The following GCN1 variants were observed in gnomAD, a reference collection of about 807,000 sequenced individuals.
GCN1 encodes the protein stalled ribosome sensor GCN1.
In GCN1, 90 loss-of-function variants were observed where a neutral mutation model predicts 288.4. That is an observed-to-expected ratio of 0.31 (90% CI 0.26 to 0.37). The LOEUF is 0.37. Among genes scored for constraint, GCN1 ranks in the 10% least tolerant of loss-of-function variants. The pLI, the probability that GCN1 is intolerant of heterozygous loss-of-function variation, is 1.00. For synonymous variants in GCN1, 1,386 were observed against 1,420.2 expected, an observed-to-expected ratio of 0.98 and a Z score of 0.54; for missense variants, 2,586 against 3,419.9, an observed-to-expected ratio of 0.76 and a Z score of 6.08.
In GCN1 at chr12:120,158,526, C is replaced by T; in HGVS notation, c.2839G>A (p.Val947Met). The change falls in exon 25 of 58, where the codon GTG (valine) becomes ATG (methionine). Residue 947 changes from valine to methionine, a missense_variant. By Grantham distance (21) the Val-to-Met change is conservative. Coordinates refer to ENST00000300648, the MANE Select transcript of GCN1 (RefSeq NM_006836.2). This position sits in a 1 kb window ranked among gnomAD's most constrained non-coding sequence, Gnocchi z 4.3. ...SWCQEELSVAVKRAVMLLHTH... is the reference protein window; with the variant it reads ...SWCQEELSVAMKRAVMLLHTH... ...TGCAGCAGCATCACCGCCCTCTTCA[C>T]AGCCACCGACAGCTCTTCCTGGCAC... is the stretch of plus-strand genomic sequence containing the variant. The T allele has an allele frequency of 6.3e-7, 1 of 1,586,448 alleles. No individual in the cohort carries two copies.
In GCN1 at chr12:120,159,733, C is replaced by A. The variant is rs1388165196; in HGVS notation, c.2749+92G>T. ...CAAAACTCAGCAGCTGAGGTCACCACCCACCTCCCCACAAGCACTCAGGGG... is the reference window on the plus strand; with the variant it reads ...CAAAACTCAGCAGCTGAGGTCACCAACCACCTCCCCACAAGCACTCAGGGG... On this transcript the variant is annotated intron_variant, in intron 24 of 57. Transcript: ENST00000300648. 3.6e-6 allele frequency: 4 copies of A among 1,104,974 alleles called. No individual in the cohort carries two copies. The Admixed American group carries it at 7.0e-5, about 19-fold the overall frequency. 68.4% of individuals were successfully genotyped at this position (1,104,974 alleles called of 1,614,324 possible).
At chr12:120,192,439 A>C (rs1318507121) in intron 1 of GCN1, among the ~76,000 whole-genome samples, 1 of 152,240 alleles carries the variant, frequency 6.6e-6, no homozygotes, top group African/African-American at 2.4e-5. Flanking sequence ...TAGAATACTG[A>C]AGACAAGGCT....
intron 5 of GCN1, 96 bp downstream of exon 5, chr12:120,183,473 C>T (rs750365503): frequency 1.1e-5 from 9 of 797,978 alleles, no homozygotes; most frequent in African/African-American, 3.4e-5. Context: ...TCACCCAGCA[C>T]CCAGAAAAGC....
At chr12:120,149,475 A>G (rs1429752508) in intron 36 of GCN1, 131 bp downstream of exon 36, 3 of 653,194 alleles carry the variant, frequency 4.6e-6, no homozygotes, top group Non-Finnish European at 8.2e-6. Context: ...AAATTTTTAA[A>G]AAGGCAGAGT....
At chr12:120,165,049 A>T (rs1012316833) in intron 16 of GCN1, among the ~76,000 whole-genome samples, 215 of 147,776 alleles carry the variant, frequency 1.5e-3, no homozygotes, top group African/African-American at 4.9e-3. Flanking sequence ...ATATATATAT[A>T]TATTTTTTTT....
chr12:120,184,457 G>C (rs918387191), intron 3 of GCN1, among the ~76,000 whole-genome samples: 1 of 152,094 alleles, frequency 6.6e-6, no homozygotes, highest in African/African-American at 2.4e-5. Context: ...CATTGAGTGT[G>C]TAAGGGCAGC....
At chr12:120,191,939 G>A (rs1420262208) in intron 1 of GCN1, among the ~76,000 whole-genome samples, 1 of 152,056 alleles carries the variant, frequency 6.6e-6, no homozygotes, top group Non-Finnish European at 1.5e-5. Flanking sequence ...TTCCTGCTGT[G>A]ACCCCATCGC....
intron 11 of GCN1, 69 bp from the exon 12 acceptor site, chr12:120,175,281 T>G (rs1402129803): frequency 1.0e-5 from 14 of 1,354,678 alleles, no homozygotes; most frequent in Admixed American, 1.0e-4. Flanking sequence ...AACAATGCAG[T>G]CACGTGTGTG....
intron 44 of GCN1, 63 bp from the exon 45 acceptor site, chr12:120,141,086 A>G: frequency 7.0e-7 from 1 of 1,436,208 alleles, no homozygotes; most frequent in East Asian, 2.3e-5. Flanking sequence ...CCAGAGGAGG[A>G]CTCCAGAATG....
chr12:120,158,432 G>A lies in GCN1; in HGVS notation c.2905+28C>T, dbSNP rs1877821956. 2 of 1,523,740 alleles carry A rather than the reference G, an allele frequency of 1.3e-6. No homozygotes were observed. Among genetic ancestry groups the A allele is most frequent in the South Asian group, 1.3e-5 (1 of 79,984 alleles). The allele number at this position is 1,523,740 out of a possible 1,614,324, so 94.4% of individuals were successfully genotyped here. A position where few individuals can be genotyped will look rare whatever the true frequency, so the allele number is the denominator to read the frequency against. On this transcript the variant is annotated intron_variant, in intron 25 of 57. Transcript: ENST00000300648. The surrounding 1 kb of genome is among the most constrained non-coding windows in gnomAD (Gnocchi z 4.3). ...TCCTGGCACCAGCTCACACCGCCTG[G>A]TGCCCCTGATCCCGTCCCAGCCCTT... is the stretch of plus-strand genomic sequence containing the variant.
rs1324630242 is a variant in GCN1, at chr12:120,190,352, C to T, written c.67G>A (p.Val23Ile). 6.2e-7 allele frequency: 1 copy of T among 1,611,364 alleles called. No individual in the cohort carries two copies. Among genetic ancestry groups the T allele is most frequent in the South Asian group, 1.1e-5 (1 of 91,020 alleles). Reference sequence around the variant, plus strand: ...CTGAGGATTTCTCTCCGTTCCTTTACACTGGCTGTTGTCACCTTCCCTGCA... The same window carrying T: ...CTGAGGATTTCTCTCCGTTCCTTTATACTGGCTGTTGTCACCTTCCCTGCA... ...RFAGKVTTAS[V>I]KERREILSEL... The change falls in exon 2 of 58, where the codon GTA becomes ATA. Residue 23 changes from valine to isoleucine, a missense_variant. Coordinates refer to ENST00000300648, the MANE Select transcript of GCN1 (RefSeq NM_006836.2).
rs1440293332 is a variant in GCN1, at chr12:120,161,412, A to G, written c.2436+78T>C. On this transcript the variant is annotated intron_variant, in intron 22 of 57. Coordinates refer to ENST00000300648, the MANE Select transcript of GCN1 (RefSeq NM_006836.2). ...TCAGGATGTTCCAAGTGAACAGCAT[A>G]TGTGCAGTGGGAAAAGCCACCAGCT... 1.2e-5 allele frequency: 10 copies of G among 859,664 alleles called. No homozygotes were observed. The East Asian group carries it at 2.4e-4, about 21-fold the overall frequency. The allele number at this position is 859,664 out of a possible 1,614,324, so 53.3% of individuals were successfully genotyped here.
At position 120,177,507 on chromosome 12, in the gene GCN1, C is replaced by T. The variant is rs375686561; in HGVS notation, c.778G>A (p.Asp260Asn). The T allele has an allele frequency of 1.2e-6, 2 of 1,612,056 alleles. No homozygotes were observed. Among genetic ancestry groups the T allele is most frequent in the South Asian group, 1.1e-5 (1 of 91,026 alleles). The change falls in exon 9 of 58, where the codon GAT (aspartate) becomes AAT (asparagine). Residue 260 changes from aspartate (D) to asparagine (N), a missense_variant. Around this residue, in one of 8 missense-constraint regions of GCN1, gnomAD observed 913 missense variants for 1,107.0 expected, o/e 0.82. Coordinates refer to ENST00000300648, the MANE Select transcript of GCN1 (RefSeq NM_006836.2). ...LRYLSHSEFK[D>N]LILPTIQKSL... ...TTCTGTATGGTGGGCAGTATCAGAT[C>T]CTTAAATTCTGAGTGGGACAGGTAT... is the stretch of plus-strand genomic sequence containing the variant.
Position 120,148,139 on chromosome 12 carries a change from G to A in GCN1, c.4726+28C>T, listed in dbSNP as rs371551472. The A allele has an allele frequency of 6.2e-5, 98 of 1,582,120 alleles. No homozygotes were observed. In the African/African-American group the frequency reaches 1.1e-3, roughly 18 times the overall value. ...GGCTGCGGCGTTGGTGGGAGGTCAG[G>A]GCAAGCACCCTCACGGGAAAGGCCT... On this transcript the variant is annotated intron_variant, in intron 37 of 57. Transcript: ENST00000300648.
chr12:120,145,550 G>A (rs1877337820), intron 38 of GCN1, among the ~76,000 whole-genome samples: 1 of 152,156 alleles, frequency 6.6e-6, no homozygotes, highest in African/African-American at 2.4e-5. Flanking sequence ...ACTCCTACAA[G>A]GGACCCCAGG....
intron 2 of GCN1, among the ~76,000 whole-genome samples, chr12:120,186,614 T>G (rs965221672): frequency 2.0e-5 from 3 of 152,068 alleles, no homozygotes; most frequent in Non-Finnish European, 2.9e-5. Flanking sequence ...AGGGACGCAG[T>G]TTCCCCAGGG....
rs1395577047 is a variant in GCN1 at position 120,155,896 on chromosome 12, ATGT to A, written c.3313-180_3313-178del. ...GTTCCTTAGAGTGTGAGGTGGTAAAATGTTTTTTTAATGTGAAAATTAAAACGT... is the reference window on the plus strand; with the variant it reads ...GTTCCTTAGAGTGTGAGGTGGTAAAATTTTTTAATGTGAAAATTAAAACGT... On this transcript the variant is annotated intron_variant, in intron 28 of 57. Coordinates refer to ENST00000300648, the MANE Select transcript of GCN1 (RefSeq NM_006836.2). The surrounding 1 kb of genome is among the most constrained non-coding windows in gnomAD (Gnocchi z 4.9). 6.6e-6 allele frequency among the ~76,000 whole-genome samples: 1 copy of A among 152,122 alleles called. No homozygotes were observed. The highest frequency in any genetic ancestry group is 1.5e-5 in the Non-Finnish European group (1 of 68,026).
chr12:120,153,493 AAGTCTAGCTC>A lies in GCN1; in HGVS notation c.3868-96_3868-87del. 2.4e-6 allele frequency: 3 copies of A among 1,247,906 alleles called. No individual in the cohort carries two copies. The highest frequency in any genetic ancestry group is 3.4e-6 in the Non-Finnish European group (3 of 888,920). 77.3% of individuals were successfully genotyped at this position (1,247,906 alleles called of 1,614,324 possible). On this transcript the variant is annotated intron_variant, in intron 32 of 57. Transcript: ENST00000300648. The surrounding 1 kb of genome is among the most constrained non-coding windows in gnomAD (Gnocchi z 4.4). ...AGTCCCTGCCCTGAGGACCAAGACC[AAGTCTAGCTC>A]TGGGACAGGCATCCTGACATGCCAG...
Position 120,154,675 on chromosome 12 carries a change from TTAC to T in GCN1, c.3701+292_3701+294del, listed in dbSNP as rs1393011648. Among the ~76,000 whole-genome samples, 33 of 152,318 alleles carry T rather than the reference TTAC, an allele frequency of 2.2e-4. No individual in the cohort carries two copies. The East Asian group carries it at 3.9e-3, about 18-fold the overall frequency. On this transcript the variant is annotated intron_variant, in intron 31 of 57. Coordinates refer to ENST00000300648, the MANE Select transcript of GCN1 (RefSeq NM_006836.2). ...TGCAGGAGAGGACACTCTAAGGAAC[TTAC>T]TTAGAGTTCATTTTAATTGATTTAA...
Sources: gnomAD v4.1 joint callset for allele counts (sites outside exome capture counted in the v4.1 genomes callset) on GRCh38, gnomAD v4.1.1 for gene constraint, gnomAD v4.1.1 regional missense constraint, Gnocchi (gnomAD v3.1) non-coding constraint, MANE v1.5 for transcripts, NCBI Gene and HGNC (gene_info 2026-07-23, HGNC 2026-07-21) for gene names.